The following HOXA7 variants were observed in gnomAD, a reference collection of about 807,000 sequenced individuals.
The protein encoded by HOXA7 is homeobox protein Hox-A7.
A neutral mutation model predicts 16.8 loss-of-function variants in HOXA7; 16 were observed. That is an observed-to-expected ratio of 0.95 (90% CI 0.64 to 1.44). The LOEUF (loss-of-function observed/expected upper bound fraction) is 1.44, where lower values mean the gene tolerates loss of function less well. HOXA7 is among the 40% of genes most tolerant of loss of function. HOXA7 has a pLI of 0.00. For missense variants in HOXA7, 379 were observed against 328.6 expected (o/e 1.15, Z -1.19); for synonymous variants, 169 against 144.3 (o/e 1.17, Z -1.23).
rs1269033672 is a variant in HOXA7 at position 27,156,373 on chromosome 7, T to C, written c.173A>G (p.Asn58Ser). The C allele has an allele frequency of 6.2e-7, 1 of 1,613,884 alleles. No individual in the cohort carries two copies. The change falls in exon 1 of 2, where the codon AAC becomes AGC. Residue 58 changes from asparagine to serine, a missense_variant. Transcript: ENST00000242159. ...AAAGGGGCTCTGATAAAGGGGGCTG[T>C]TGACATTGTATAAGCCCGGAACGGT... ...ASTVPGLYNV[N>S]SPLYQSPFAS... is the part of the protein sequence containing the mutation.
rs780609860 is a variant in HOXA7, at chr7:27,155,201, C to T, written c.401G>A (p.Arg134His). Residue 134 changes from arginine to histidine, a missense_variant, in exon 2 of 2, where the codon CGC becomes CAC. Physicochemically the swap from Arg to His is conservative, Grantham distance 29 (BLOSUM62 0). Coordinates refer to ENST00000242159, the MANE Select transcript of HOXA7 (RefSeq NM_006896.4). ...CGTCTGGTAGCGCGTGTAGGTCTGG[C>T]GGCCCCGCTTCCTGTCAGGTCCTGA... is the stretch of plus-strand genomic sequence containing the variant. ...RSSGPDRKRGRQTYTRYQTLE... is the reference protein window; with the variant it reads ...RSSGPDRKRGHQTYTRYQTLE... 6.2e-7 allele frequency: 1 copy of T among 1,613,722 alleles called. No homozygotes were observed. The highest frequency in any genetic ancestry group is 8.5e-7 in the Non-Finnish European group (1 of 1,179,878).
In HOXA7 at chr7:27,154,253, G is replaced by A. The variant is rs1338977047; in HGVS notation, c.*656C>T. On this transcript the variant is annotated 3_prime_UTR_variant, in exon 2 of 2. Transcript: ENST00000242159. ...ATTCTAGGGTGCAAGCACTTAGGAT[G>A]CTTTTTGGAATAAATATATTATTTT... 6.6e-6 allele frequency: 1 copy of A among 152,346 alleles called. No individual in the cohort carries two copies. Among genetic ancestry groups the A allele is most frequent in the Admixed American group, 6.5e-5 (1 of 15,274 alleles). The allele number at this position is 152,346 out of a possible 1,614,324, so 9.4% of individuals were successfully genotyped here. A position where few individuals can be genotyped will look rare whatever the true frequency, so the allele number is the denominator to read the frequency against.
Position 27,156,249 on chromosome 7 carries a change from G to A in HOXA7, c.297C>T (p.Gly99=). The A allele has an allele frequency of 6.2e-7, 1 of 1,610,134 alleles. No individual in the cohort carries two copies. The part of the protein sequence containing the change: ...IPGLCSDLAK[G]ACDKTDEGAL... ...CGCCCTCGTCCGTCTTGTCGCAGGC[G>A]CCTTTGGCGAGGTCACTGCAGAGCC... Residue 99 remains glycine (G), a synonymous_variant, in exon 1 of 2, where the codon GGC becomes GGT. Coordinates refer to ENST00000242159, the MANE Select transcript of HOXA7 (RefSeq NM_006896.4).
rs772065138 is a variant in HOXA7 at position 27,155,015 on chromosome 7, G to C, written c.587C>G (p.Ala196Gly). Residue 196 changes from alanine to glycine, a missense_variant, in exon 2 of 2, where the codon GCC (alanine) becomes GGC (glycine). Transcript: ENST00000242159. ...KKEHKDEGPTAAAAPEGAVPS... is the reference protein window; with the variant it reads ...KKEHKDEGPTGAAAPEGAVPS... ...CACGGCGCCCTCGGGAGCTGCGGCG[G>C]CAGTCGGACCTTCGTCCTTATGCTC... The C allele has an allele frequency of 1.9e-6, 3 of 1,614,164 alleles. No individual in the cohort carries two copies. In the East Asian group the frequency reaches 6.7e-5, roughly 36 times the overall value.
In HOXA7 at chr7:27,155,183, T is replaced by TAGC; in HGVS notation, c.416_418dup (p.Arg139_Tyr140insCys). ...CTCCTTCTCCAGCTCCAGCGTCTGG[T>TAGC]AGCGCGTGTAGGTCTGGCGGCCCCG... is the stretch of plus-strand genomic sequence containing the variant. On this transcript the variant is annotated inframe_insertion, in exon 2 of 2. Coordinates refer to ENST00000242159, the MANE Select transcript of HOXA7 (RefSeq NM_006896.4). 6.2e-7 allele frequency: 1 copy of TAGC among 1,614,242 alleles called. No homozygotes were observed. The highest frequency in any genetic ancestry group is 8.5e-7 in the Non-Finnish European group (1 of 1,180,046).
In HOXA7 at chr7:27,154,098, G is replaced by C. The variant is rs556629939; in HGVS notation, c.*811C>G. The C allele has an allele frequency of 2.0e-5, 3 of 152,434 alleles. No individual in the cohort carries two copies. The highest frequency in any genetic ancestry group is 7.2e-5 in the African/African-American group (3 of 41,582). The allele number at this position is 152,434 out of a possible 1,614,324, so 9.4% of individuals were successfully genotyped here. A position where few individuals can be genotyped will look rare whatever the true frequency, so the allele number is the denominator to read the frequency against. Reference sequence around the variant, plus strand: ...GCCAGAGGAAAGGACAGCGAAGCTGGAAGCATCTCCACAGTCCTGCTAAGC... The same window carrying C: ...GCCAGAGGAAAGGACAGCGAAGCTGCAAGCATCTCCACAGTCCTGCTAAGC... On this transcript the variant is annotated 3_prime_UTR_variant, in exon 2 of 2. Coordinates refer to ENST00000242159, the MANE Select transcript of HOXA7 (RefSeq NM_006896.4).
Position 27,154,727 on chromosome 7 carries a change from T to TG in HOXA7, c.*181dup, listed in dbSNP as rs1783071649. The TG allele has an allele frequency of 1.2e-6, 1 of 863,042 alleles. No individual in the cohort carries two copies. Among genetic ancestry groups the TG allele is most frequent in the Non-Finnish European group, 1.7e-6 (1 of 584,902 alleles). 53.5% of individuals were successfully genotyped at this position (863,042 alleles called of 1,614,324 possible). The stretch of plus-strand genomic sequence containing the variant: ...CTGCGGCCGCTCAGTCCACAAAAGT[T>TG]GGGAGCTGGAGTAGGTGATGGGGGT... On this transcript the variant is annotated 3_prime_UTR_variant, in exon 2 of 2. Coordinates refer to ENST00000242159, the MANE Select transcript of HOXA7 (RefSeq NM_006896.4).
Position 27,154,766 on chromosome 7 carries a change from G to T in HOXA7, c.*143C>A, listed in dbSNP as rs1251080644. 32 of 1,257,158 alleles carry T rather than the reference G, an allele frequency of 2.5e-5. No individual in the cohort carries two copies. The East Asian group carries it at 6.4e-4, about 25-fold the overall frequency. The allele number at this position is 1,257,158 out of a possible 1,614,324, so 77.9% of individuals were successfully genotyped here. A position where few individuals can be genotyped will look rare whatever the true frequency, so the allele number is the denominator to read the frequency against. ...GGTGATGGGGGTGGGTAGAGTGCAGGTTGGGGACTGGGTTGCTTTTTTGTT... is the reference window on the plus strand; with the variant it reads ...GGTGATGGGGGTGGGTAGAGTGCAGTTTGGGGACTGGGTTGCTTTTTTGTT... On this transcript the variant is annotated 3_prime_UTR_variant, in exon 2 of 2. Coordinates refer to ENST00000242159, the MANE Select transcript of HOXA7 (RefSeq NM_006896.4).
At position 27,155,035 on chromosome 7, in the gene HOXA7, A is replaced by G. The variant is rs763298008; in HGVS notation, c.567T>C (p.His189=). Residue 189 remains histidine, a synonymous_variant, in exon 2 of 2, where the codon CAT becomes CAC. Transcript: ENST00000242159. ...CGGCGGCAGTCGGACCTTCGTCCTT[A>G]TGCTCTTTCTTCCACTTCATGCGGC... ...QNRRMKWKKE[H]KDEGPTAAAA... 6.2e-7 allele frequency: 1 copy of G among 1,614,120 alleles called. No individual in the cohort carries two copies. Among genetic ancestry groups the G allele is most frequent in the Non-Finnish European group, 8.5e-7 (1 of 1,180,022 alleles).
At chr7:27,155,427 TC>T in intron 1 of HOXA7, 1 of 598,238 alleles carries the variant, frequency 1.7e-6, no homozygotes, top group South Asian at 2.1e-5. Context: ...CGCAGGCAGC[TC>T]TGTAATGAGC....
Position 27,155,067 on chromosome 7 carries a change from G to C in HOXA7, c.535C>G (p.Gln179Glu). ...TTCTTCCACTTCATGCGGCGGTTCT[G>C]GAACCAGATCTTAATCTGGCGCTCG... ...LTERQIKIWF[Q>E]NRRMKWKKEH... The change falls in exon 2 of 2, where the codon CAG (glutamine) becomes GAG (glutamate). Residue 179 changes from glutamine to glutamate, a missense_variant. Physicochemically the swap from Gln to Glu is conservative, Grantham distance 29. Transcript: ENST00000242159. 1 of 1,614,240 alleles carries C rather than the reference G, an allele frequency of 6.2e-7. No homozygotes were observed. Among genetic ancestry groups the C allele is most frequent in the Non-Finnish European group, 8.5e-7 (1 of 1,180,034 alleles).
Position 27,154,399 on chromosome 7 carries a change from C to T in HOXA7, c.*510G>A, listed in dbSNP as rs1188084882. The T allele has an allele frequency of 6.4e-6, 1 of 155,610 alleles. No homozygotes were observed. Among genetic ancestry groups the T allele is most frequent in the Non-Finnish European group, 1.4e-5 (1 of 69,898 alleles). 9.6% of individuals were successfully genotyped at this position (155,610 alleles called of 1,614,324 possible). A position where few individuals can be genotyped will look rare whatever the true frequency, so the allele number is the denominator to read the frequency against. On this transcript the variant is annotated 3_prime_UTR_variant, in exon 2 of 2. Transcript: ENST00000242159. The stretch of plus-strand genomic sequence containing the variant: ...GGGACTTGCCTGGGAGCAGTCGGCA[C>T]TAGGTAGCAGGCAAGCCAGCCAGCA...
chr7:27,155,923 C>A, intron 1 of HOXA7: 1 of 396,576 alleles, frequency 2.5e-6, no homozygotes, highest in Non-Finnish European at 4.4e-6. Context: ...GGATCGAACC[C>A]ATTAATTGGG....
chr7:27,154,874 A>G lies in HOXA7; in HGVS notation c.*35T>C. The stretch of plus-strand genomic sequence containing the variant: ...TGAGTCTCTTAAAGACGCTTTTCCG[A>G]CTGTCCGGTGCAGAGAGGGCCCCGG... On this transcript the variant is annotated 3_prime_UTR_variant, in exon 2 of 2. Coordinates refer to ENST00000242159, the MANE Select transcript of HOXA7 (RefSeq NM_006896.4). The G allele has an allele frequency of 1.3e-6, 2 of 1,558,894 alleles. No individual in the cohort carries two copies. Among genetic ancestry groups the G allele is most frequent in the Non-Finnish European group, 8.7e-7 (1 of 1,153,344 alleles).
rs531933347 is a variant in HOXA7 at position 27,154,164 on chromosome 7, C to G, written c.*745G>C. The G allele has an allele frequency of 6.6e-6, 1 of 152,418 alleles. No homozygotes were observed. The highest frequency in any genetic ancestry group is 2.4e-5 in the African/African-American group (1 of 41,592). The allele number at this position is 152,418 out of a possible 1,614,324, so 9.4% of individuals were successfully genotyped here. A position where few individuals can be genotyped will look rare whatever the true frequency, so the allele number is the denominator to read the frequency against. On this transcript the variant is annotated 3_prime_UTR_variant, in exon 2 of 2. Coordinates refer to ENST00000242159, the MANE Select transcript of HOXA7 (RefSeq NM_006896.4). ...GATCTGCAGCCAGCTCAGGAACATT[C>G]CCCTCCAGAAGTGGGGGTTGATGGG...
At chr7:27,155,494 A>C in intron 1 of HOXA7, 1 of 513,676 alleles carries the variant, frequency 1.9e-6, no homozygotes, top group East Asian at 3.0e-5. Flanking sequence ...AAGCTTCCAC[A>C]ATGTCCTGCT....
rs1378345862 is a variant in HOXA7 at position 27,155,031 on chromosome 7, C to G, written c.571G>C (p.Asp191His). ...GCTGCGGCGGCAGTCGGACCTTCGT[C>G]CTTATGCTCTTTCTTCCACTTCATG... ...RRMKWKKEHK[D>H]EGPTAAAAPE... Residue 191 changes from aspartate to histidine, a missense_variant, in exon 2 of 2, where the codon GAC (aspartate) becomes CAC (histidine). By Grantham distance (81) the Asp-to-His change is moderately conservative (BLOSUM62 -1). Transcript: ENST00000242159. 1 of 1,614,208 alleles carries G rather than the reference C, an allele frequency of 6.2e-7. No homozygotes were observed. The highest frequency in any genetic ancestry group is 1.7e-5 in the Admixed American group (1 of 60,032).
At position 27,156,352 on chromosome 7, in the gene HOXA7, G is replaced by A; in HGVS notation, c.194C>T (p.Pro65Leu). The change falls in exon 1 of 2, where the codon CCC becomes CTC. Residue 65 changes from proline (P) to leucine (L), a missense_variant. Physicochemically the swap from Pro to Leu is moderately conservative, Grantham distance 98 (BLOSUM62 -3). Coordinates refer to ENST00000242159, the MANE Select transcript of HOXA7 (RefSeq NM_006896.4). ...GCCCAGGCCGTAGCCGGACGCAAAGGGGCTCTGATAAAGGGGGCTGTTGAC... is the reference window on the plus strand; with the variant it reads ...GCCCAGGCCGTAGCCGGACGCAAAGAGGCTCTGATAAAGGGGGCTGTTGAC... Reference protein sequence around the residue: ...YNVNSPLYQSPFASGYGLGAD... With the variant: ...YNVNSPLYQSLFASGYGLGAD... 1 of 1,614,160 alleles carries A rather than the reference G, an allele frequency of 6.2e-7. No homozygotes were observed. Among genetic ancestry groups the A allele is most frequent in the Non-Finnish European group, 8.5e-7 (1 of 1,180,018 alleles).
intron 1 of HOXA7, 111 bp downstream of exon 1, chr7:27,156,056 G>A (rs1783100190): frequency 1.5e-6 from 2 of 1,300,172 alleles, no homozygotes; most frequent in Non-Finnish European, 2.0e-6. Context: ...GCTCGCAACA[G>A]CCTGGCTCCG....
Sources: allele counts gnomAD v4.1 joint callset, GRCh38; gene constraint gnomAD v4.1.1; transcripts MANE v1.5; gene names NCBI Gene and HGNC (gene_info 2026-07-23, HGNC 2026-07-21).